The following SNX8 variants were observed in gnomAD, a reference collection of about 807,000 sequenced individuals.
The protein encoded by SNX8 is sorting nexin 8.
Under a neutral mutation model 51.6 loss-of-function variants are expected in SNX8, and 25 were observed. That is an observed-to-expected ratio of 0.48 (90% confidence interval 0.35 to 0.68). The LOEUF (loss-of-function observed/expected upper bound fraction) is 0.68, where lower values mean the gene tolerates loss of function less well. Among genes scored for constraint, SNX8 ranks in the 30% least tolerant of loss-of-function variants. The pLI is 0.00. For synonymous variants in SNX8, 324 were observed against 277.0 expected (o/e 1.17, Z -1.68); for missense variants, 695 against 624.0 (o/e 1.11, Z -1.21).
intron 1 of SNX8, chr7:2,287,893 A>AG (rs1796068799): frequency 6.6e-6 from 1 of 150,748 alleles, no homozygotes; most frequent in Admixed American, 6.6e-5. Flanking sequence ...CTGGGCGAGC[A>AG]GAAAAAAAAA....
chr7:2,346,253 C>CA (rs1779022004), intron 1 of SNX8, among the ~76,000 whole-genome samples: 1 of 21,036 alleles, frequency 4.8e-5, no homozygotes, highest in Non-Finnish European at 9.4e-5. Flanking sequence ...GAAGTTTGAG[C>CA]TCACATAGTG....
At chr7:2,278,435 G>A (rs1458725941) in intron 1 of SNX8, 130 bp from the exon 2 acceptor site, 9 of 599,770 alleles carry the variant, frequency 1.5e-5, no homozygotes, top group Non-Finnish European at 2.6e-5. Context: ...CTTGAGCCCT[G>A]GAGTTCAAGA....
Position 2,271,438 on chromosome 7 carries a change from A to C in SNX8, c.540+412T>G, listed in dbSNP as rs200509330. 9.8e-5 allele frequency among the ~76,000 whole-genome samples: 15 copies of C among 152,318 alleles called. 1 individual carries two copies. The East Asian group carries it at 2.9e-3, about 29-fold the overall frequency. On this transcript the variant is annotated intron_variant, in intron 4 of 10. Transcript: ENST00000222990. The stretch of plus-strand genomic sequence containing the variant: ...TGACGGAGTGCATGTACAACAAGTT[A>C]ATTCCCGGATGCAGGTGTGGGCTGT...
chr7:2,256,529 C>T (rs923932212), intron 10 of SNX8, among the ~76,000 whole-genome samples: 2 of 152,238 alleles, frequency 1.3e-5, no homozygotes, highest in African/African-American at 2.4e-5. Flanking sequence ...AGAACAGCCA[C>T]CTGCGGCGCT....
At position 2,314,364 on chromosome 7, in the gene SNX8, C is replaced by A; in HGVS notation, c.58G>T (p.Ala20Ser). Residue 20 changes from alanine to serine, a missense_variant, in exon 1 of 11, where the codon GCG (alanine) becomes TCG (serine). By Grantham distance (99) the Ala-to-Ser change is moderately conservative (BLOSUM62 1). Transcript: ENST00000222990. ...GGATCCGCCTCCTCGTCAGCCTCCG[C>A]CTCAGCTGCCGCCCCGACTGCAGCC... ...PAAAVGAAAE[A>S]EADEEADPPA... 3.3e-6 allele frequency: 4 copies of A among 1,223,956 alleles called. No homozygotes were observed. In the Admixed American group the frequency reaches 1.7e-4, roughly 52 times the overall value. 75.8% of individuals were successfully genotyped at this position (1,223,956 alleles called of 1,614,324 possible).
At chr7:2,302,714 C>T (rs1367983109) in intron 1 of SNX8, among the ~76,000 whole-genome samples, 6 of 151,806 alleles carry the variant, frequency 4.0e-5, no homozygotes, top group Admixed American at 6.6e-5. Flanking sequence ...TTTGCCCGGC[C>T]GCCCATCGTC....
intron 1 of SNX8, among the ~76,000 whole-genome samples, chr7:2,294,881 A>C (rs963843510): frequency 3.3e-5 from 5 of 151,898 alleles, no homozygotes; most frequent in African/African-American, 1.2e-4. Context: ...AAAAAAATAA[A>C]AAGTCAGGCA....
chr7:2,345,680 C>CAAAAAAAA (rs1236506340), intron 1 of SNX8, among the ~76,000 whole-genome samples: 1 of 140,110 alleles, frequency 7.1e-6, no homozygotes, highest in Non-Finnish European at 1.5e-5. Flanking sequence ...AGAATCCGTC[C>CAAAAAAAA]AAAAAAAAAA....
intron 1 of SNX8, among the ~76,000 whole-genome samples, chr7:2,296,014 G>C (rs563763289): frequency 4.6e-5 from 7 of 152,132 alleles, no homozygotes; most frequent in African/African-American, 1.7e-4. Context: ...CAGGTAATGC[G>C]ATCCCTCCAA....
chr7:2,278,658 C>T lies in SNX8; in HGVS notation c.95-353G>A, dbSNP rs112367076. On this transcript the variant is annotated intron_variant, in intron 1 of 10. Transcript: ENST00000222990. ...CGGAGTCGAAGCCGGACTCACACTACGGAGTCGACGCCGGACTCACTCACA... is the reference window on the plus strand; with the variant it reads ...CGGAGTCGAAGCCGGACTCACACTATGGAGTCGACGCCGGACTCACTCACA... Among the ~76,000 whole-genome samples, 75 of 124,494 alleles carry T rather than the reference C, an allele frequency of 6.0e-4. 3 individuals carry two copies. Among genetic ancestry groups the T allele is most frequent in the Admixed American group, 5.7e-3 (68 of 11,980 alleles). 81.7% of individuals were successfully genotyped at this position (124,494 alleles called of 152,430 possible). A position where few individuals can be genotyped will look rare whatever the true frequency, so the allele number is the denominator to read the frequency against.
At chr7:2,291,725 C>T (rs1189899639) in intron 1 of SNX8, among the ~76,000 whole-genome samples, 1 of 152,216 alleles carries the variant, frequency 6.6e-6, no homozygotes, top group Non-Finnish European at 1.5e-5. Context: ...CCCACTTCAA[C>T]AATGAAGTAC....
chr7:2,333,026 T>C (rs1262975917), intron 1 of SNX8, among the ~76,000 whole-genome samples: 1 of 152,066 alleles, frequency 6.6e-6, no homozygotes, highest in Non-Finnish European at 1.5e-5. Context: ...CCCAACACTT[T>C]GGGAGGCTAA....
rs1366744069 is a variant in SNX8, at chr7:2,263,287, C to G, written c.858G>C (p.Gln286His). The G allele has an allele frequency of 8.1e-6, 13 of 1,613,870 alleles. No homozygotes were observed. The highest frequency in any genetic ancestry group is 1.1e-5 in the Non-Finnish European group (13 of 1,180,034). ...ATTCCACAGACAGGCCTTTCAGAGC[C>G]TGCTTCAGGGACCCCCACGTGCTGC... The part of the protein sequence containing the change: ...LNSSTWGSLK[Q>H]ALKGLSVEFA... Residue 286 changes from glutamine to histidine, a missense_variant, in exon 7 of 11, where the codon CAG becomes CAC. By Grantham distance (24) the Gln-to-His change is conservative. Transcript: ENST00000222990.
chr7:2,258,330 G>C (rs1192387286), intron 7 of SNX8, among the ~76,000 whole-genome samples: 5 of 152,130 alleles, frequency 3.3e-5, no homozygotes, highest in Non-Finnish European at 7.4e-5. Flanking sequence ...CAGCAGTCTT[G>C]ATGGGAACAA....
In SNX8 at chr7:2,335,542, C is replaced by T. The variant is rs112509745; in HGVS notation, c.-66+18680G>A. Among the ~76,000 whole-genome samples the T allele has an allele frequency of 8.7e-3, 1,318 of 152,268 alleles. 16 individuals are homozygous for T. Among genetic ancestry groups the T allele is most frequent in the African/African-American group, 0.03 (1,262 of 41,566 alleles). ...AAGTAGCCAGGCGCGGTGGCTCACG[C>T]CTGTAATCCCAGCACTTCGGGAGGC... On this transcript the variant is annotated intron_variant, in intron 1 of 5. Coordinates refer to the SNX8 transcript ENST00000435336.
chr7:2,262,204 AT>A lies in SNX8; in HGVS notation c.915+1025del, dbSNP rs544433539. 6.7e-4 allele frequency among the ~76,000 whole-genome samples: 102 copies of A among 151,468 alleles called. 2 individuals are homozygous for A. The highest frequency in any genetic ancestry group is 6.6e-3 in the Admixed American group (101 of 15,202). ...AGACACGCACCACCACCCCTGGCTA[AT>A]TTTTTTTTATTTTTGATAGAGATGA... On this transcript the variant is annotated intron_variant, in intron 7 of 10. Transcript: ENST00000222990.
At chr7:2,342,278 A>G (rs1778945354) in intron 1 of SNX8, among the ~76,000 whole-genome samples, 1 of 152,230 alleles carries the variant, frequency 6.6e-6, no homozygotes, top group East Asian at 1.9e-4. Context: ...GAGAAAAGAA[A>G]TGTTCAACAC....
At chr7:2,284,262 C>A (rs1795971241) in intron 1 of SNX8, among the ~76,000 whole-genome samples, 1 of 151,984 alleles carries the variant, frequency 6.6e-6, no homozygotes, top group Admixed American at 6.6e-5. Flanking sequence ...TTCCCAGATG[C>A]TGCTTCTGGT....
At chr7:2,332,874 AAG>A (rs1240192948) in intron 1 of SNX8, among the ~76,000 whole-genome samples, 1 of 151,138 alleles carries the variant, frequency 6.6e-6, no homozygotes, top group South Asian at 2.1e-4. Flanking sequence ...GAGAGAAAGA[AAG>A]AGAAAGAAAG....
Sources: allele counts gnomAD v4.1 joint callset (sites outside exome capture counted in the v4.1 genomes callset), GRCh38; gene constraint gnomAD v4.1.1; transcripts MANE v1.5; gene names NCBI Gene and HGNC (gene_info 2026-07-23, HGNC 2026-07-21).